The following AIRE variants were observed in gnomAD, a reference collection of about 807,000 sequenced individuals.
AIRE encodes autoimmune regulator.
Under a neutral mutation model 62.1 loss-of-function variants are expected in AIRE, and 52 were observed. The observed-to-expected ratio is 0.84, with a 90% confidence interval of 0.67 to 1.06. The LOEUF is 1.06. AIRE is among the 50% of genes least tolerant of loss of function. The probability of loss-of-function intolerance (pLI) is 0.00; values close to 1 mark genes in which losing one functional copy is unlikely to be tolerated. For missense variants in AIRE, 774 were observed against 755.8 expected (o/e 1.02, Z -0.28); for synonymous variants, 342 against 321.6 (o/e 1.06, Z -0.68).
At chr21:44,292,519 TGCC>T in intron 9 of AIRE, 118 bp downstream of exon 9, 1 of 713,584 alleles carries the variant, frequency 1.4e-6, no homozygotes, top group Non-Finnish European at 2.4e-6. Flanking sequence ...GGGACAGGAC[TGCC>T]CCAGCCATAG....
intron 13 of AIRE, 44 bp downstream of exon 13, chr21:44,296,489 C>T: frequency 6.4e-7 from 1 of 1,570,942 alleles, no homozygotes; most frequent in Non-Finnish European, 8.8e-7. Flanking sequence ...ACTCCCCCTC[C>T]CCTGCCTCAG....
At chr21:44,294,929 C>T (rs1337259266) in intron 12 of AIRE, among the ~76,000 whole-genome samples, 1 of 152,204 alleles carries the variant, frequency 6.6e-6, no homozygotes, top group Non-Finnish European at 1.5e-5. Context: ...GGCCAGAGCC[C>T]TCTCAGAGAG....
chr21:44,293,166 G>A lies in AIRE; in HGVS notation c.1269G>A (p.Glu423=). 2 of 1,563,664 alleles carry A rather than the reference G, an allele frequency of 1.3e-6. No individual in the cohort carries two copies. The highest frequency in any genetic ancestry group is 2.7e-5 in the African/African-American group (2 of 74,124). The change falls in exon 10 of 14, where the codon GAG becomes GAA. Residue 423 remains glutamate (E), a synonymous_variant. Transcript: ENST00000291582. ...ALHPLLCVGP[E]GQQNLAPGAR... The stretch of plus-strand genomic sequence containing the variant: ...ACCCCCTACTGTGTGTGGGTCCTGA[G>A]GGTCAGCAGGTGAGCGGGGAGTGGG...
Position 44,286,768 on chromosome 21 carries a change from G to A in AIRE, c.307+37G>A, listed in dbSNP as rs371017659. 6.2e-7 allele frequency: 1 copy of A among 1,609,182 alleles called. No homozygotes were observed. The highest frequency in any genetic ancestry group is 8.5e-7 in the Non-Finnish European group (1 of 1,177,264). ...TGGACTCAGCCATGCTGGGGGCCTG[G>A]GGCAGCTGCTGTCACCTGCTCAGCC... On this transcript the variant is annotated intron_variant, in intron 2 of 13. Transcript: ENST00000291582. The surrounding 1 kb of genome is among the most constrained non-coding windows in gnomAD (Gnocchi z 6.0).
Position 44,292,319 on chromosome 21 carries a change from C to T in AIRE, c.1013C>T (p.Ser338Phe), listed in dbSNP as rs1304974543. 1.3e-6 allele frequency: 2 copies of T among 1,575,952 alleles called. No homozygotes were observed. Among genetic ancestry groups the T allele is most frequent in the African/African-American group, 1.3e-5 (1 of 74,258 alleles). Reference sequence around the variant, plus strand: ...ACGAGCAGTGGGACCTGGAGGTGCTCCAGCTGCCTGCAGGCAACAGTCCAG... The same window carrying T: ...ACGAGCAGTGGGACCTGGAGGTGCTTCAGCTGCCTGCAGGCAACAGTCCAG... Reference protein sequence around the residue: ...REIPSGTWRCSSCLQATVQEV... With the variant: ...REIPSGTWRCFSCLQATVQEV... Residue 338 changes from serine to phenylalanine, a missense_variant, in exon 9 of 14, where the codon TCC (serine) becomes TTC (phenylalanine). Physicochemically the swap from Ser to Phe is radical, Grantham distance 155. This residue lies in a region of AIRE where 354 missense variants were observed against 296.1 expected (regional missense o/e 1.20). Transcript: ENST00000291582.
rs1287738611 is a variant in AIRE, at chr21:44,292,515, G to T, written c.1095+114G>T. 3 of 736,714 alleles carry T rather than the reference G, an allele frequency of 4.1e-6. No homozygotes were observed. In the Admixed American group the frequency reaches 6.4e-5, roughly 16 times the overall value. 45.6% of individuals were successfully genotyped at this position (736,714 alleles called of 1,614,324 possible). Reference sequence around the variant, plus strand: ...CTGTCCCCTGGAGTCCTGTGGGACAGGACTGCCCCAGCCATAGCACTATGT... The same window carrying T: ...CTGTCCCCTGGAGTCCTGTGGGACATGACTGCCCCAGCCATAGCACTATGT... On this transcript the variant is annotated intron_variant, in intron 9 of 13. Transcript: ENST00000291582.
At chr21:44,291,065 G>T in intron 7 of AIRE, 30 bp from the exon 8 acceptor site, 1 of 1,613,422 alleles carries the variant, frequency 6.2e-7, no homozygotes, top group Non-Finnish European at 8.5e-7. Flanking sequence ...CCCCAGCCCA[G>T]TCTGCATGGG....
chr21:44,291,724 A>T (rs554680138), intron 8 of AIRE, among the ~76,000 whole-genome samples: 112 of 151,612 alleles, frequency 7.4e-4, no homozygotes, highest in African/African-American at 2.3e-3. Flanking sequence ...CCCTGCCCCC[A>T]TTCCAACCCC....
Position 44,287,000 on chromosome 21 carries a change from G to A in AIRE, c.330G>A (p.Arg110=). Residue 110 remains arginine, a synonymous_variant, in exon 3 of 14, where the codon CGG becomes CGA. Coordinates refer to ENST00000291582, the MANE Select transcript of AIRE (RefSeq NM_000383.4). This position sits in a 1 kb window ranked among gnomAD's most constrained non-coding sequence, Gnocchi z 6.0. ...CAGATGTGGACCTCAGCCAGCCCCGGAAGGGGAGGAAGCCCCCGGCCGTCC... is the reference window on the plus strand; with the variant it reads ...CAGATGTGGACCTCAGCCAGCCCCGAAAGGGGAGGAAGCCCCCGGCCGTCC... The part of the protein sequence containing the change: ...FPKDVDLSQP[R]KGRKPPAVPK... 1 of 1,612,804 alleles carries A rather than the reference G, an allele frequency of 6.2e-7. No homozygotes were observed. The highest frequency in any genetic ancestry group is 8.5e-7 in the Non-Finnish European group (1 of 1,179,976).
rs902573751 is a variant in AIRE, at chr21:44,286,830, C to T, written c.307+99C>T. 1.3e-5 allele frequency: 21 copies of T among 1,564,332 alleles called. No homozygotes were observed. Among genetic ancestry groups the T allele is most frequent in the African/African-American group, 6.8e-5 (5 of 73,708 alleles). On this transcript the variant is annotated intron_variant, in intron 2 of 13. Coordinates refer to ENST00000291582, the MANE Select transcript of AIRE (RefSeq NM_000383.4). The surrounding 1 kb of genome is among the most constrained non-coding windows in gnomAD (Gnocchi z 6.0). Reference sequence around the variant, plus strand: ...GAACCGGAGTGGTGTTTGAGGAGCCCGTGGGTGATGTTCCAGGACCGTCTT... The same window carrying T: ...GAACCGGAGTGGTGTTTGAGGAGCCTGTGGGTGATGTTCCAGGACCGTCTT...
chr21:44,289,469 TG>T (rs1175324190), intron 5 of AIRE, 187 bp from the exon 6 acceptor site: 29 of 704,992 alleles, frequency 4.1e-5, no homozygotes, highest in Non-Finnish European at 5.6e-5. Context: ...GGGACGCTGT[TG>T]AACACCCTGG....
Position 44,286,164 on chromosome 21 carries a change from G to GGCCCC in AIRE, c.132+26_132+27insGCCCC. 1 of 1,414,160 alleles carries GGCCCC rather than the reference G, an allele frequency of 7.1e-7. No individual in the cohort carries two copies. The highest frequency in any genetic ancestry group is 9.5e-7 in the Non-Finnish European group (1 of 1,051,258). The allele number at this position is 1,414,160 out of a possible 1,614,324, so 87.6% of individuals were successfully genotyped here. ...GTGGGCTCCCCGCCCGCCCCCCGCTGCCCCCAGGCCCTGTGAGCCAGGGAT... is the reference window on the plus strand; with the variant it reads ...GTGGGCTCCCCGCCCGCCCCCCGCTGGCCCCCCCCCAGGCCCTGTGAGCCAGGGAT... On this transcript the variant is annotated intron_variant, in intron 1 of 13. Coordinates refer to ENST00000291582, the MANE Select transcript of AIRE (RefSeq NM_000383.4). This position sits in a 1 kb window ranked among gnomAD's most constrained non-coding sequence, Gnocchi z 6.0.
chr21:44,290,879 G>C, intron 7 of AIRE: 1 of 1,607,504 alleles, frequency 6.2e-7, no homozygotes, highest in African/African-American at 1.3e-5. Flanking sequence ...CTTCCCAATA[G>C]GGATGGCCCC....
At position 44,286,254 on chromosome 21, in the gene AIRE, C is replaced by T; in HGVS notation, c.132+116C>T. 1 of 1,199,780 alleles carries T rather than the reference C, an allele frequency of 8.3e-7. No individual in the cohort carries two copies. Among genetic ancestry groups the T allele is most frequent in the South Asian group, 1.4e-5 (1 of 73,584 alleles). The allele number at this position is 1,199,780 out of a possible 1,614,324, so 74.3% of individuals were successfully genotyped here. On this transcript the variant is annotated intron_variant, in intron 1 of 13. Coordinates refer to ENST00000291582, the MANE Select transcript of AIRE (RefSeq NM_000383.4). The surrounding 1 kb of genome is among the most constrained non-coding windows in gnomAD (Gnocchi z 6.0). Reference sequence around the variant, plus strand: ...ATCCCCAAGCCCCTCCAGCCTTCCCCAACTCCCTCCCCACAAGGAGCCAGG... The same window carrying T: ...ATCCCCAAGCCCCTCCAGCCTTCCCTAACTCCCTCCCCACAAGGAGCCAGG...
In AIRE at chr21:44,286,105, T is replaced by C. The variant is rs3746964; in HGVS notation, c.99T>C (p.Ala33=). 0.055 allele frequency: 85,723 copies of C among 1,546,618 alleles called. 13,380 individuals are homozygous for C. Among genetic ancestry groups the C allele is most frequent in the African/African-American group, 0.53 (38,411 of 72,906 alleles). ...DSAFPLLHAL[A]DHDVVPEDKF... is the part of the protein sequence containing the mutation. ...CCTTCCCACTGCTGCACGCGCTGGC[T>C]GACCACGACGTGGTCCCCGAGGACA... The change falls in exon 1 of 14, where the codon GCT becomes GCC. Residue 33 remains alanine, a synonymous_variant. Coordinates refer to ENST00000291582, the MANE Select transcript of AIRE (RefSeq NM_000383.4). This position sits in a 1 kb window ranked among gnomAD's most constrained non-coding sequence, Gnocchi z 6.0.
chr21:44,286,586 CT>C lies in AIRE; in HGVS notation c.163del (p.Cys55AlafsTer13). On this transcript the variant is annotated frameshift_variant, in exon 2 of 14. Transcript: ENST00000291582. LOFTEE classifies it high-confidence loss of function. The surrounding 1 kb of genome is among the most constrained non-coding windows in gnomAD (Gnocchi z 6.0). ...CGCTTCATCTGAAGGAAAAGGAGGGCTGCCCCCAGGCCTTCCACGCCCTCCT... is the reference window on the plus strand; with the variant it reads ...CGCTTCATCTGAAGGAAAAGGAGGGCGCCCCCAGGCCTTCCACGCCCTCCT... ...ETLHLKEKEG[C>X]PQAFHALLSW... 6.2e-7 allele frequency: 1 copy of C among 1,612,362 alleles called. No homozygotes were observed. The highest frequency in any genetic ancestry group is 8.5e-7 in the Non-Finnish European group (1 of 1,179,598).
In AIRE at chr21:44,292,372, C is replaced by A. The variant is rs376901046; in HGVS notation, c.1066C>A (p.Arg356=). Residue 356 remains arginine, a synonymous_variant, in exon 9 of 14, where the codon CGG becomes AGG. Coordinates refer to ENST00000291582, the MANE Select transcript of AIRE (RefSeq NM_000383.4). ...QEVQPRAEEP[R]PQEPPVETPL... The stretch of plus-strand genomic sequence containing the variant: ...GGTGCAGCCCCGGGCAGAGGAGCCC[C>A]GGCCCCAGGAGCCACCCGTGGAGAC... 1 of 1,562,174 alleles carries A rather than the reference C, an allele frequency of 6.4e-7. No homozygotes were observed. Among genetic ancestry groups the A allele is most frequent in the Admixed American group, 1.9e-5 (1 of 52,592 alleles).
At position 44,292,358 on chromosome 21, in the gene AIRE, G is replaced by A. The variant is rs143146599; in HGVS notation, c.1052G>A (p.Arg351Gln). The A allele has an allele frequency of 5.0e-5, 79 of 1,570,990 alleles. No homozygotes were observed. Among genetic ancestry groups the A allele is most frequent in the Middle Eastern group, 1.7e-4 (1 of 5,968 alleles). ...GCAACAGTCCAGGAGGTGCAGCCCCGGGCAGAGGAGCCCCGGCCCCAGGAG... is the reference window on the plus strand; with the variant it reads ...GCAACAGTCCAGGAGGTGCAGCCCCAGGCAGAGGAGCCCCGGCCCCAGGAG... ...LQATVQEVQP[R>Q]AEEPRPQEPP... Residue 351 changes from arginine to glutamine, a missense_variant, in exon 9 of 14, where the codon CGG (arginine) becomes CAG (glutamine). Arg to Gln is a conservative substitution (Grantham distance 43). Around this residue, in one of 3 missense-constraint regions of AIRE, gnomAD observed 354 missense variants for 296.1 expected, o/e 1.20. Transcript: ENST00000291582.
intron 8 of AIRE, among the ~76,000 whole-genome samples, 171 bp from the exon 9 acceptor site, chr21:44,292,131 G>T (rs1445122575): frequency 6.6e-6 from 1 of 152,140 alleles, no homozygotes; most frequent in African/African-American, 2.4e-5. Context: ...AAGGGTAAAT[G>T]TCCCCCTGCT....
Sources: allele counts gnomAD v4.1 joint callset (sites outside exome capture counted in the v4.1 genomes callset), GRCh38; gene constraint gnomAD v4.1.1; regional missense constraint gnomAD v4.1.1; non-coding constraint Gnocchi (gnomAD v3.1); transcripts MANE v1.5; gene names NCBI Gene and HGNC (gene_info 2026-07-23, HGNC 2026-07-21).